OTOGL: variants seen among roughly 807,000 people sequenced by gnomAD.
OTOGL encodes otogelin-like protein.
Under a neutral mutation model 318.5 loss-of-function variants are expected in OTOGL, and 285 were observed. The ratio of observed to expected loss-of-function variants is 0.89; its 90% CI spans 0.81 to 0.99. The LOEUF is 0.99. Ranked by LOEUF, OTOGL falls within the 50% of genes least tolerant of loss-of-function variation. OTOGL has a pLI of 0.00. For synonymous variants in OTOGL, 987 were observed against 936.5 expected (o/e 1.05, Z -0.99); for missense variants, 2,899 against 2,845.6 (o/e 1.02, Z -0.43).
intron 57 of OTOGL, among the ~76,000 whole-genome samples, chr12:80,375,376 A>G (rs1041113805): frequency 6.6e-6 from 1 of 152,220 alleles, no homozygotes; most frequent in African/African-American, 2.4e-5. Flanking sequence ...ACATCTTTTT[A>G]GCCACTGGGA....
rs142874117 is a variant in OTOGL, at chr12:80,200,243, A to G, written c.-19-9170A>G. Among the ~76,000 whole-genome samples the G allele has an allele frequency of 1.3e-3, 202 of 152,342 alleles. 1 individual carries two copies. Among genetic ancestry groups the G allele is most frequent in the African/African-American group, 4.7e-3 (197 of 41,576 alleles). On this transcript the variant is annotated intron_variant, in intron 1 of 58. Coordinates refer to ENST00000547103, the MANE Select transcript of OTOGL (RefSeq NM_001378609.3). ...ATAAATTAATTAAATTGTAAGTGCC[A>G]AGGAGTAGTTAAGAGTGGGAGCACA...
chr12:80,120,643 C>T (rs567484888), intron 1 of OTOGL, among the ~76,000 whole-genome samples: 1 of 152,214 alleles, frequency 6.6e-6, no homozygotes, highest in East Asian at 1.9e-4. Flanking sequence ...TATGGAAATG[C>T]CTTTCAATAT....
In OTOGL at chr12:80,336,911, G is replaced by A. The variant is rs547627299; in HGVS notation, c.4768-1G>A. 2 of 1,576,406 alleles carry A rather than the reference G, an allele frequency of 1.3e-6. No individual in the cohort carries two copies. The highest frequency in any genetic ancestry group is 1.8e-5 in the Admixed American group (1 of 55,612). On this transcript the variant is annotated splice_acceptor_variant, in intron 41 of 58. Transcript: ENST00000547103. LOFTEE classifies it high-confidence loss of function. ...AAAGTTTTAATTTTTTTCAAATTAA[G>A]GCTCCCTCTGGAAGAATCTCTGGAC...
intron 22 of OTOGL, among the ~76,000 whole-genome samples, chr12:80,269,188 T>A (rs1883223070): frequency 6.6e-6 from 1 of 152,146 alleles, no homozygotes; most frequent in Non-Finnish European, 1.5e-5. Flanking sequence ...GTGGACTGTA[T>A]ATGTGATTCA....
chr12:80,235,663 A>C (rs2137417078), intron 9 of OTOGL, among the ~76,000 whole-genome samples: 1 of 152,204 alleles, frequency 6.6e-6, no homozygotes, highest in African/African-American at 2.4e-5. Context: ...GTTCATAGTG[A>C]GCCAACTGGG....
intron 43 of OTOGL, among the ~76,000 whole-genome samples, chr12:80,340,305 G>T (rs1888682719): frequency 6.6e-6 from 1 of 151,930 alleles, no homozygotes; most frequent in Non-Finnish European, 1.5e-5. Flanking sequence ...TTGCTAAAAT[G>T]GTTTTCATGG....
chr12:80,351,769 G>C (rs1889567041), intron 44 of OTOGL, among the ~76,000 whole-genome samples: 1 of 152,094 alleles, frequency 6.6e-6, no homozygotes, highest in Admixed American at 6.6e-5. Flanking sequence ...TATATTTCAG[G>C]TGTCTCTAGA....
rs866988632 is a variant in OTOGL at position 80,380,600 on chromosome 12, A to G, written c.*2552A>G. The G allele has an allele frequency of 4.0e-5, 6 of 151,672 alleles. No individual in the cohort carries two copies. The highest frequency in any genetic ancestry group is 1.5e-4 in the African/African-American group (6 of 41,356). The allele number at this position is 151,672 out of a possible 1,614,324, so 9.4% of individuals were successfully genotyped here. The stretch of plus-strand genomic sequence containing the variant: ...CAATTTCTCACCTACCAGACTGGTA[A>G]AAAACCAGAAGTTTAATGATACTTT... On this transcript the variant is annotated 3_prime_UTR_variant, in exon 59 of 59. Transcript: ENST00000547103.
At position 80,336,781 on chromosome 12, in the gene OTOGL, C is replaced by T; in HGVS notation, c.4744-16C>T. 1 of 1,241,390 alleles carries T rather than the reference C, an allele frequency of 8.1e-7. No homozygotes were observed. Among genetic ancestry groups the T allele is most frequent in the Non-Finnish European group, 1.1e-6 (1 of 911,464 alleles). The allele number at this position is 1,241,390 out of a possible 1,614,324, so 76.9% of individuals were successfully genotyped here. A position where few individuals can be genotyped will look rare whatever the true frequency, so the allele number is the denominator to read the frequency against. ...TCAAATAATGCATTTAAAAGTATTT[C>T]TTTTTTTTTTTCCAGAATGGAAACT... On this transcript the variant is annotated splice_polypyrimidine_tract_variant and intron_variant, in intron 40 of 58. Transcript: ENST00000547103.
chr12:80,371,894 AT>A (rs1890894827), intron 56 of OTOGL, 124 bp from the exon 57 acceptor site: 1 of 428,160 alleles, frequency 2.3e-6, no homozygotes, highest in Non-Finnish European at 3.8e-6. Flanking sequence ...AATTCCAACT[AT>A]TTTTCTATGA....
chr12:80,178,955 A>T (rs1179929565), intron 1 of OTOGL, among the ~76,000 whole-genome samples: 1 of 152,188 alleles, frequency 6.6e-6, no homozygotes, highest in Non-Finnish European at 1.5e-5. Flanking sequence ...CTCAGTAGAG[A>T]ATCGGAATAT....
At chr12:80,114,053 T>C (rs1473375045) in intron 1 of OTOGL, among the ~76,000 whole-genome samples, 3 of 152,228 alleles carry the variant, frequency 2.0e-5, no homozygotes, top group Admixed American at 1.3e-4. Flanking sequence ...CCGATGGGTC[T>C]TGACTCTTTA....
chr12:80,271,797 G>T lies in OTOGL; in HGVS notation c.2668G>T (p.Val890Phe). 6.2e-7 allele frequency: 1 copy of T among 1,612,620 alleles called. No homozygotes were observed. Among genetic ancestry groups the T allele is most frequent in the East Asian group, 2.2e-5 (1 of 44,820 alleles). Reference protein sequence around the residue: ...TPSSPCISGCVCAPGMAEHRG... With the variant: ...TPSSPCISGCFCAPGMAEHRG... ...ATCCTCACCCTGTATAAGTGGCTGT[G>T]TTTGTGCTCCAGGGTAAGCCTCTTC... is the stretch of plus-strand genomic sequence containing the variant. The change falls in exon 24 of 59, where the codon GTT becomes TTT. Residue 890 changes from valine (V) to phenylalanine (F), a missense_variant. Val to Phe is a conservative substitution (Grantham distance 50). Coordinates refer to ENST00000547103, the MANE Select transcript of OTOGL (RefSeq NM_001378609.3).
chr12:80,297,201 C>T (rs1885462312), intron 27 of OTOGL, among the ~76,000 whole-genome samples: 1 of 152,056 alleles, frequency 6.6e-6, no homozygotes, highest in Admixed American at 6.5e-5. Context: ...CATTTGGGCC[C>T]TTGCAACCCC....
intron 1 of OTOGL, among the ~76,000 whole-genome samples, chr12:80,126,252 T>C (rs1250753555): frequency 6.6e-6 from 1 of 152,202 alleles, no homozygotes; most frequent in Non-Finnish European, 1.5e-5. Flanking sequence ...TTTGTTCTCG[T>C]TGGTTTCAAA....
At chr12:80,360,169 TAA>T (rs1338583243) in intron 52 of OTOGL, among the ~76,000 whole-genome samples, 1 of 152,222 alleles carries the variant, frequency 6.6e-6, no homozygotes, top group Admixed American at 6.5e-5. Context: ...TAATATAATT[TAA>T]ATGCTTAGTG....
In OTOGL at chr12:80,244,077, A is replaced by T. The variant is rs182061645; in HGVS notation, c.1052+4638A>T. On this transcript the variant is annotated intron_variant, in intron 11 of 58. Transcript: ENST00000547103. ...AACCACAACATTGAGCATGGAATTCATTCCTGTGCAGTTTCTCCATGCTAG... is the reference window on the plus strand; with the variant it reads ...AACCACAACATTGAGCATGGAATTCTTTCCTGTGCAGTTTCTCCATGCTAG... 9.5e-4 allele frequency among the ~76,000 whole-genome samples: 144 copies of T among 151,484 alleles called. 1 individual carries two copies. Among genetic ancestry groups the T allele is most frequent in the Middle Eastern group, 3.5e-3 (1 of 284 alleles).
chr12:80,371,226 T>C (rs1890857973), intron 56 of OTOGL, among the ~76,000 whole-genome samples: 1 of 152,138 alleles, frequency 6.6e-6, no homozygotes, highest in Non-Finnish European at 1.5e-5. Flanking sequence ...GTGAACATAA[T>C]ATAATTTTTA....
At chr12:80,279,459 A>C (rs867519936) in intron 26 of OTOGL, among the ~76,000 whole-genome samples, 57 of 151,306 alleles carry the variant, frequency 3.8e-4, no homozygotes, top group African/African-American at 1.3e-3. Flanking sequence ...TTCACCCTTA[A>C]GTAGTAGGCC....
Sources: allele counts gnomAD v4.1 joint callset (sites outside exome capture counted in the v4.1 genomes callset), GRCh38; gene constraint gnomAD v4.1.1; transcripts MANE v1.5; gene names NCBI Gene and HGNC (gene_info 2026-07-23, HGNC 2026-07-21).